Variants in TNNI3K observed in about 807,000 individuals in gnomAD.
TNNI3K encodes serine/threonine-protein kinase TNNI3K.
TNNI3K carries 140 observed loss-of-function variants against 114.5 expected under a neutral mutation model. That is an observed-to-expected ratio of 1.22 (90% confidence interval 1.07 to 1.41). TNNI3K has a LOEUF of 1.41. Among genes scored for constraint, TNNI3K ranks in the 40% most tolerant of loss-of-function variants. The probability of loss-of-function intolerance (pLI) is 0.00; values close to 1 mark genes in which losing one functional copy is unlikely to be tolerated. For missense variants in TNNI3K, 1,125 were observed against 1,007.6 expected (o/e 1.12, Z -1.58); for synonymous variants, 347 against 347.5 (o/e 1.00, Z 0.02).
chr1:74,476,042 C>T (rs1464781394), intron 21 of TNNI3K, among the ~76,000 whole-genome samples: 1 of 152,090 alleles, frequency 6.6e-6, no homozygotes, highest in Non-Finnish European at 1.5e-5. Context: ...ACAACACCAT[C>T]TGGAATCTCT....
chr1:74,297,088 ATTTT>A (rs893153323), intron 5 of TNNI3K, among the ~76,000 whole-genome samples: 1 of 150,668 alleles, frequency 6.6e-6, no homozygotes, highest in Non-Finnish European at 1.5e-5. Flanking sequence ...TTGGGACTTG[ATTTT>A]TTTTTAATTT....
chr1:74,395,442 T>C (rs891443696), intron 17 of TNNI3K, among the ~76,000 whole-genome samples: 5 of 152,066 alleles, frequency 3.3e-5, no homozygotes, highest in African/African-American at 9.7e-5. Flanking sequence ...GCAGAACCCA[T>C]AGACAAACCT....
At chr1:74,261,420 A>G (rs1469188669) in intron 4 of TNNI3K, among the ~76,000 whole-genome samples, 1 of 152,140 alleles carries the variant, frequency 6.6e-6, no homozygotes, top group Non-Finnish European at 1.5e-5. Context: ...TTAAACATGA[A>G]TGAAACTTCA....
rs200319360 is a variant in TNNI3K at position 74,271,585 on chromosome 1, T to C, written c.334-13T>C. On this transcript the variant is annotated splice_polypyrimidine_tract_variant and intron_variant, in intron 4 of 24. Transcript: ENST00000326637. ...TAGCAGAAAAGTAACACTAAAGATA[T>C]GTTTCCTTACAGGATAATGCAGAAT... is the stretch of plus-strand genomic sequence containing the variant. 2.7e-4 allele frequency: 423 copies of C among 1,585,666 alleles called. 3 individuals carry two copies. In the Middle Eastern group the frequency reaches 3.4e-3, roughly 13 times the overall value.
intron 20 of TNNI3K, among the ~76,000 whole-genome samples, chr1:74,442,908 G>A (rs1666440357): frequency 6.6e-6 from 1 of 151,002 alleles, no homozygotes; most frequent in African/African-American, 2.5e-5. Context: ...GCTTCTGAAT[G>A]AATCCTGAGT....
intron 16 of TNNI3K, 61 bp downstream of exon 16, chr1:74,369,646 T>A: frequency 6.8e-7 from 1 of 1,476,498 alleles, no homozygotes; most frequent in Non-Finnish European, 9.0e-7. Context: ...CTTGCAATAC[T>A]TCAGAGGGTT....
chr1:74,351,819 A>C (rs1018830114), intron 9 of TNNI3K, among the ~76,000 whole-genome samples: 2 of 152,096 alleles, frequency 1.3e-5, no homozygotes, highest in African/African-American at 4.8e-5. Context: ...CAGCTCCATC[A>C]GGTCCTTTAA....
intron 17 of TNNI3K, among the ~76,000 whole-genome samples, chr1:74,401,146 C>T (rs1402057960): frequency 6.6e-6 from 1 of 152,126 alleles, no homozygotes; most frequent in Non-Finnish European, 1.5e-5. Context: ...GCCTCTATAC[C>T]TATAGAAAAG....
intron 5 of TNNI3K, among the ~76,000 whole-genome samples, chr1:74,299,220 G>A (rs935407451): frequency 2.4e-4 from 36 of 152,112 alleles, no homozygotes; most frequent in African/African-American, 8.4e-4. Flanking sequence ...GCTGATTGGT[G>A]ACAAATATAT....
chr1:74,426,440 C>T (rs555833918), intron 17 of TNNI3K, among the ~76,000 whole-genome samples: 5 of 152,094 alleles, frequency 3.3e-5, no homozygotes, highest in Non-Finnish European at 5.9e-5. Context: ...AAACCTTGTT[C>T]GTTGATAAAG....
intron 6 of TNNI3K, among the ~76,000 whole-genome samples, chr1:74,334,986 A>C (rs901683370): frequency 6.6e-6 from 1 of 152,136 alleles, no homozygotes; most frequent in Non-Finnish European, 1.5e-5. Flanking sequence ...GATGATTTTT[A>C]AAAAACGTTT....
chr1:74,406,764 A>G (rs1219477626), intron 17 of TNNI3K, among the ~76,000 whole-genome samples: 1 of 152,238 alleles, frequency 6.6e-6, no homozygotes, highest in Non-Finnish European at 1.5e-5. Context: ...AGTTCCTATT[A>G]AGGCTTTACA....
At chr1:74,401,834 C>T (rs1158064606) in intron 17 of TNNI3K, 3 of 452,244 alleles carry the variant, frequency 6.6e-6, no homozygotes, top group Admixed American at 2.4e-5. Flanking sequence ...ATTCTTCAAG[C>T]AAAGGTCTGC....
chr1:74,292,231 T>C (rs755189758), intron 5 of TNNI3K, among the ~76,000 whole-genome samples: 1 of 151,548 alleles, frequency 6.6e-6, no homozygotes, highest in Non-Finnish European at 1.5e-5. Context: ...TTTGTCTTTT[T>C]TTTAATCAAT....
At chr1:74,282,610 G>A (rs1005384871) in intron 5 of TNNI3K, among the ~76,000 whole-genome samples, 1 of 152,032 alleles carries the variant, frequency 6.6e-6, no homozygotes, top group Non-Finnish European at 1.5e-5. Context: ...TGGGGTTAGG[G>A]CTTCAACACG....
chr1:74,308,620 C>T (rs1209753004), intron 5 of TNNI3K, among the ~76,000 whole-genome samples: 3 of 151,792 alleles, frequency 2.0e-5, no homozygotes, highest in African/African-American at 7.3e-5. Context: ...AAGAACTTAA[C>T]CTAAAGATAG....
chr1:74,336,238 A>T, intron 7 of TNNI3K, 89 bp downstream of exon 7: 1 of 1,462,620 alleles, frequency 6.8e-7, no homozygotes, highest in South Asian at 1.4e-5. Flanking sequence ...ATAATCTTGA[A>T]GTTGACTAAT....
intron 11 of TNNI3K, among the ~76,000 whole-genome samples, chr1:74,357,338 G>A (rs1033545588): frequency 5.9e-5 from 9 of 152,038 alleles, no homozygotes; most frequent in Non-Finnish European, 1.3e-4. Context: ...TTTTGGATAC[G>A]CCCAATTTAA....
At chr1:74,410,604 G>A (rs568725644) in intron 17 of TNNI3K, among the ~76,000 whole-genome samples, 7 of 152,176 alleles carry the variant, frequency 4.6e-5, no homozygotes, top group South Asian at 4.2e-4. Context: ...AATATTTCTC[G>A]AAGAGCTCAT....
Sources: gnomAD v4.1 joint callset for allele counts (sites outside exome capture counted in the v4.1 genomes callset) on GRCh38, gnomAD v4.1.1 for gene constraint, MANE v1.5 for transcripts, NCBI Gene and HGNC (gene_info 2026-07-23, HGNC 2026-07-21) for gene names.